Variants in PPP1R3A observed in about 807,000 individuals in gnomAD.
PPP1R3A encodes the protein RG1.
PPP1R3A carries 29 observed loss-of-function variants against 41.7 expected under a neutral mutation model. That is an observed-to-expected ratio of 0.70 (90% CI 0.52 to 0.95). PPP1R3A has a LOEUF of 0.95. PPP1R3A is among the 40% of genes least tolerant of loss of function. PPP1R3A has a pLI of 0.00. For missense variants in PPP1R3A, 1,352 were observed against 1,292.4 expected, an observed-to-expected ratio of 1.05 and a Z score of -0.71; for synonymous variants, 485 against 453.4, an observed-to-expected ratio of 1.07 and a Z score of -0.89.
At chr7:113,913,091 T>C (rs1488456457) in intron 1 of PPP1R3A, among the ~76,000 whole-genome samples, 2 of 152,088 alleles carry the variant, frequency 1.3e-5, no homozygotes, top group Admixed American at 6.6e-5. Context: ...CCTGCACAGC[T>C]GTGTTTTATG....
intron 1 of PPP1R3A, among the ~76,000 whole-genome samples, chr7:113,903,951 G>T (rs150995031): frequency 1.3e-5 from 2 of 151,610 alleles, no homozygotes; most frequent in Non-Finnish European, 3.0e-5. Flanking sequence ...TTTACCATTT[G>T]CAGGTCAAAT....
intron 3 of PPP1R3A, 34 bp from the exon 4 acceptor site, chr7:113,880,159 C>T: frequency 6.5e-7 from 1 of 1,531,972 alleles, no homozygotes; most frequent in Non-Finnish European, 9.0e-7. Context: ...AAATAATGAC[C>T]ATAAGATCTT....
chr7:113,902,164 C>T (rs12705920), intron 1 of PPP1R3A, among the ~76,000 whole-genome samples: 4,573 of 151,696 alleles, frequency 0.03, 107 homozygotes, highest in Non-Finnish European at 0.046. Flanking sequence ...GGAGTCTCAC[C>T]TTGTCACCCA....
rs557251409 is a variant in PPP1R3A at position 113,878,145 on chromosome 7, C to T, written c.2947G>A (p.Val983Met). Residue 983 changes from valine to methionine, a missense_variant, in exon 4 of 4, where the codon GTG (valine) becomes ATG (methionine). Val to Met is a conservative substitution (Grantham distance 21). Coordinates refer to ENST00000284601, the MANE Select transcript of PPP1R3A (RefSeq NM_002711.4). ...PEEVSRSSGI[V>M]TSGSRKERCI... ...CTTTCTTTTCTACTACCTGATGTCACTATTCCTGAACTTCTGGAAACTTCT... is the reference window on the plus strand; with the variant it reads ...CTTTCTTTTCTACTACCTGATGTCATTATTCCTGAACTTCTGGAAACTTCT... 6.2e-7 allele frequency: 1 copy of T among 1,613,368 alleles called. No individual in the cohort carries two copies. Among genetic ancestry groups the T allele is most frequent in the South Asian group, 1.1e-5 (1 of 91,074 alleles).
intron 1 of PPP1R3A, among the ~76,000 whole-genome samples, chr7:113,913,876 C>T (rs980665798): frequency 6.6e-6 from 1 of 152,002 alleles, no homozygotes; most frequent in Non-Finnish European, 1.5e-5. Flanking sequence ...TCTCTCTTCC[C>T]TTCATTTCTC....
chr7:113,881,983 C>G, intron 3 of PPP1R3A, 56 bp downstream of exon 3: 1 of 1,602,898 alleles, frequency 6.2e-7, no homozygotes, highest in South Asian at 1.1e-5. Context: ...ATTGCAGCAT[C>G]TTTGAAGCAG....
chr7:113,915,432 T>C, intron 1 of PPP1R3A, among the ~76,000 whole-genome samples: 1 of 151,824 alleles, frequency 6.6e-6, no homozygotes, highest in East Asian at 1.9e-4. Context: ...AGTTAGCTGT[T>C]ATTCTCTACA....
At chr7:113,887,164 A>C (rs1796798772) in intron 1 of PPP1R3A, among the ~76,000 whole-genome samples, 1 of 152,074 alleles carries the variant, frequency 6.6e-6, no homozygotes, top group Non-Finnish European at 1.5e-5. Context: ...TCTAAGACTT[A>C]AAGTATTACC....
Position 113,879,255 on chromosome 7 carries a change from T to C in PPP1R3A, c.1837A>G (p.Ile613Val). Reference sequence around the variant, plus strand: ...CTTGATGAACAAACTTGACCAGTTATCCCTCCTAAAGCGCTGCCTTCACTA... The same window carrying C: ...CTTGATGAACAAACTTGACCAGTTACCCCTCCTAAAGCGCTGCCTTCACTA... The part of the protein sequence containing the change: ...LTSEGSALGG[I>V]TGQVCSSRTG... Residue 613 changes from isoleucine to valine, a missense_variant, in exon 4 of 4, where the codon ATA becomes GTA. Transcript: ENST00000284601. 6.2e-7 allele frequency: 1 copy of C among 1,613,746 alleles called. No individual in the cohort carries two copies. The highest frequency in any genetic ancestry group is 8.5e-7 in the Non-Finnish European group (1 of 1,179,780).
At chr7:113,884,746 T>C (rs369829575) in intron 1 of PPP1R3A, among the ~76,000 whole-genome samples, 4 of 152,058 alleles carry the variant, frequency 2.6e-5, no homozygotes, top group Admixed American at 6.6e-5. Flanking sequence ...GCAGTAAAAA[T>C]AGAAGTTACA....
chr7:113,918,404 TAA>T lies in PPP1R3A; in HGVS notation c.591_592del (p.Tyr198SerfsTer6), dbSNP rs1562928229. The T allele has an allele frequency of 1.9e-6, 3 of 1,613,426 alleles. No individual in the cohort carries two copies. The South Asian group carries it at 3.3e-5, about 18-fold the overall frequency. On this transcript the variant is annotated frameshift_variant, in exon 1 of 4. Coordinates refer to ENST00000284601, the MANE Select transcript of PPP1R3A (RefSeq NM_002711.4). LOFTEE classifies it high-confidence loss of function. The stretch of plus-strand genomic sequence containing the variant: ...CTCAACTTTACTGCCATCTTTTTGA[TAA>T]GGAGGAACCAATACAATCTTAAAGG...
intron 1 of PPP1R3A, among the ~76,000 whole-genome samples, chr7:113,892,125 T>TA (rs905135707): frequency 1.3e-5 from 2 of 152,020 alleles, no homozygotes; most frequent in Non-Finnish European, 2.9e-5. Context: ...AGCTAAAAAG[T>TA]AAATGTGAAA....
chr7:113,877,664 C>G lies in PPP1R3A; in HGVS notation c.*59G>C. 1 of 1,486,648 alleles carries G rather than the reference C, an allele frequency of 6.7e-7. No homozygotes were observed. The highest frequency in any genetic ancestry group is 9.0e-7 in the Non-Finnish European group (1 of 1,110,238). The allele number at this position is 1,486,648 out of a possible 1,614,324, so 92.1% of individuals were successfully genotyped here. A position where few individuals can be genotyped will look rare whatever the true frequency, so the allele number is the denominator to read the frequency against. On this transcript the variant is annotated 3_prime_UTR_variant, in exon 4 of 4. Transcript: ENST00000284601. ...TTGAACAATGAATAGTCCCATTCAC[C>G]AATCCAAATGTTTGGGGTTAAATAG...
intron 1 of PPP1R3A, among the ~76,000 whole-genome samples, chr7:113,904,979 G>A (rs1217799430): frequency 1.3e-5 from 2 of 151,584 alleles, no homozygotes; most frequent in Non-Finnish European, 3.0e-5. Flanking sequence ...TTCTGAGAAA[G>A]TGGAAAATAA....
At chr7:113,901,983 A>G (rs1009563162) in intron 1 of PPP1R3A, among the ~76,000 whole-genome samples, 6 of 151,864 alleles carry the variant, frequency 4.0e-5, no homozygotes, top group Admixed American at 2.6e-4. Context: ...TTGTATATAC[A>G]ATTTTAGTCA....
chr7:113,877,482 C>T lies in PPP1R3A; in HGVS notation c.*241G>A. 2 of 382,586 alleles carry T rather than the reference C, an allele frequency of 5.2e-6. No individual in the cohort carries two copies. Among genetic ancestry groups the T allele is most frequent in the Non-Finnish European group, 4.6e-6 (1 of 216,070 alleles). The allele number at this position is 382,586 out of a possible 1,614,324, so 23.7% of individuals were successfully genotyped here. A position where few individuals can be genotyped will look rare whatever the true frequency, so the allele number is the denominator to read the frequency against. On this transcript the variant is annotated 3_prime_UTR_variant, in exon 4 of 4. Coordinates refer to ENST00000284601, the MANE Select transcript of PPP1R3A (RefSeq NM_002711.4). ...GCCTGCTAAGGAGCAACAGCTGTAC[C>T]TAATTTCAACTTGACGTGCTTCAGA...
intron 1 of PPP1R3A, among the ~76,000 whole-genome samples, chr7:113,899,355 G>A (rs908477553): frequency 1.2e-4 from 18 of 151,754 alleles, no homozygotes; most frequent in Non-Finnish European, 2.9e-5. Context: ...GCTGTGTGAT[G>A]TACCTTTTTT....
At chr7:113,897,454 A>G (rs897578810) in intron 1 of PPP1R3A, among the ~76,000 whole-genome samples, 4 of 151,680 alleles carry the variant, frequency 2.6e-5, no homozygotes, top group Non-Finnish European at 5.9e-5. Flanking sequence ...TAATTTCAAT[A>G]TTAAATGCCA....
Position 113,904,093 on chromosome 7 carries a change from T to C in PPP1R3A, c.782+14122A>G, listed in dbSNP as rs1797107531. Among the ~76,000 whole-genome samples, 3 of 151,768 alleles carry C rather than the reference T, an allele frequency of 2.0e-5. No individual in the cohort carries two copies. In the South Asian group the frequency reaches 6.2e-4, roughly 31 times the overall value. On this transcript the variant is annotated intron_variant, in intron 1 of 3. Coordinates refer to ENST00000284601, the MANE Select transcript of PPP1R3A (RefSeq NM_002711.4). Reference sequence around the variant, plus strand: ...CTCTATTTGGTAAATACCATGTCGATAGCTAACTTCTCATGTGTACAAATA... The same window carrying C: ...CTCTATTTGGTAAATACCATGTCGACAGCTAACTTCTCATGTGTACAAATA...
Sources: allele counts gnomAD v4.1 joint callset (sites outside exome capture counted in the v4.1 genomes callset), GRCh38; gene constraint gnomAD v4.1.1; transcripts MANE v1.5; gene names NCBI Gene and HGNC (gene_info 2026-07-23, HGNC 2026-07-21).